SH3D19: variants seen among roughly 807,000 people sequenced by gnomAD.
SH3D19 encodes SH3 domain-containing protein 19.
SH3D19 carries 58 observed loss-of-function variants against 112.1 expected under a neutral mutation model. The observed-to-expected ratio is 0.52, with a 90% CI of 0.42 to 0.64. SH3D19 has a LOEUF of 0.64. Among genes scored for constraint, SH3D19 ranks in the 30% least tolerant of loss-of-function variants. The probability of loss-of-function intolerance (pLI) is 0.00; values close to 1 mark genes in which losing one functional copy is unlikely to be tolerated. For missense variants in SH3D19, 1,090 were observed against 1,263.4 expected (o/e 0.86, Z 2.08); for synonymous variants, 391 against 448.5 (o/e 0.87, Z 1.62).
intron 3 of SH3D19, among the ~76,000 whole-genome samples, chr4:151,185,040 G>GTTTT (rs66567240): frequency 1.5e-5 from 1 of 66,520 alleles, no homozygotes; most frequent in Admixed American, 1.8e-4. Flanking sequence ...GCTGTGTCCT[G>GTTTT]TTTTTTTTTT....
At chr4:151,284,460 G>T (rs1465505531) in intron 1 of SH3D19, among the ~76,000 whole-genome samples, 14 of 152,062 alleles carry the variant, frequency 9.2e-5, no homozygotes, top group Admixed American at 9.2e-4. Context: ...TCTCTGCCAA[G>T]ATTTTCTAGC....
chr4:151,302,884 G>T (rs970313630), intron 1 of SH3D19, among the ~76,000 whole-genome samples: 5 of 152,164 alleles, frequency 3.3e-5, no homozygotes, highest in Middle Eastern at 3.4e-3. Context: ...GGGGGAAGGG[G>T]GGAGGGATAG....
rs761630463 is a variant in SH3D19 at position 151,128,299 on chromosome 4, T to C, written c.2800A>G (p.Ser934Gly). Residue 934 changes from serine (S) to glycine (G), a missense_variant, in exon 18 of 20, where the codon AGT becomes GGT. Physicochemically the swap from Ser to Gly is moderately conservative, Grantham distance 56. Coordinates refer to ENST00000604030, the MANE Select transcript of SH3D19 (RefSeq NM_001378122.1). ...CCCCTCTTGAATGATAAGTCATCAC[T>C]GGTCTCTGCTGTAAAACTGTGAAGA... ...EALHSFTAETSDDLSFKRGDR... is the reference protein window; with the variant it reads ...EALHSFTAETGDDLSFKRGDR... 1.1e-5 allele frequency: 18 copies of C among 1,614,184 alleles called. No individual in the cohort carries two copies. The South Asian group carries it at 1.9e-4, about 17-fold the overall frequency.
At position 151,180,973 on chromosome 4, in the gene SH3D19, C is replaced by T. The variant is rs187060563; in HGVS notation, c.194-1576G>A. On this transcript the variant is annotated intron_variant, in intron 3 of 19. Transcript: ENST00000604030. ...TATTTTTAGTAGAGATGGGGTTTCA[C>T]CGTGTTAGCCAGGATGGTCTTGATC... 1.0e-3 allele frequency among the ~76,000 whole-genome samples: 147 copies of T among 145,082 alleles called. 1 individual carries two copies. In the East Asian group the frequency reaches 0.018, roughly 18 times the overall value.
At chr4:151,295,361 A>G (rs180706701) in intron 1 of SH3D19, among the ~76,000 whole-genome samples, 1 of 152,372 alleles carries the variant, frequency 6.6e-6, no homozygotes, top group East Asian at 1.9e-4. Flanking sequence ...AGTAGAGCTG[A>G]GTGAAACAAG....
chr4:151,186,690 C>G (rs1208809045), intron 3 of SH3D19, among the ~76,000 whole-genome samples: 1 of 152,046 alleles, frequency 6.6e-6, no homozygotes, highest in Non-Finnish European at 1.5e-5. Context: ...CTGCCTCAGC[C>G]CCCAAAAAAG....
intron 3 of SH3D19, among the ~76,000 whole-genome samples, chr4:151,185,040 G>GTTTTTT (rs66567240): frequency 1.5e-5 from 1 of 66,520 alleles, no homozygotes; most frequent in Admixed American, 1.8e-4. Context: ...GCTGTGTCCT[G>GTTTTTT]TTTTTTTTTT....
intron 9 of SH3D19, among the ~76,000 whole-genome samples, chr4:151,157,320 C>T (rs532667575): frequency 1.3e-5 from 2 of 150,396 alleles, no homozygotes; most frequent in African/African-American, 4.9e-5. Context: ...AAATGGCCAA[C>T]AAATACATTA....
At chr4:151,299,558 C>A (rs1301463507) in intron 1 of SH3D19, among the ~76,000 whole-genome samples, 1 of 94,584 alleles carries the variant, frequency 1.1e-5, no homozygotes, top group African/African-American at 4.2e-5. Context: ...CCAGCCTGGG[C>A]AACAAGAGCG....
intron 2 of SH3D19, among the ~76,000 whole-genome samples, chr4:151,211,062 AT>A (rs996597370): frequency 1.8e-4 from 27 of 152,162 alleles, no homozygotes; most frequent in Admixed American, 6.6e-5. Flanking sequence ...AAAATACAAA[AT>A]ACCTGACTAT....
At chr4:151,233,540 T>A (rs1409002836) in intron 1 of SH3D19, among the ~76,000 whole-genome samples, 1 of 152,236 alleles carries the variant, frequency 6.6e-6, no homozygotes, top group African/African-American at 2.4e-5. Context: ...TCTTTCTGAC[T>A]GGTTTCCTCA....
chr4:151,237,132 C>T lies in SH3D19; in HGVS notation c.113-11046G>A, dbSNP rs186527551. The stretch of plus-strand genomic sequence containing the variant: ...ACCGCGAAAGTCTGCAGCTTCACTC[C>T]TGAAGCCAGCGAGACCACGAACCCA... On this transcript the variant is annotated intron_variant, in intron 1 of 19. Transcript: ENST00000604030. Among the ~76,000 whole-genome samples the T allele has an allele frequency of 2.0e-5, 3 of 152,244 alleles. 1 individual carries two copies. Among genetic ancestry groups the T allele is most frequent in the Admixed American group, 1.3e-4 (2 of 15,298 alleles).
rs1033930635 is a variant in SH3D19 at position 151,121,297 on chromosome 4, T to C, written c.*794A>G. The C allele has an allele frequency of 2.0e-5, 3 of 152,620 alleles. No individual in the cohort carries two copies. The highest frequency in any genetic ancestry group is 6.6e-5 in the Admixed American group (1 of 15,260). The allele number at this position is 152,620 out of a possible 1,614,324, so 9.5% of individuals were successfully genotyped here. A position where few individuals can be genotyped will look rare whatever the true frequency, so the allele number is the denominator to read the frequency against. ...GGTCCAGTAATTGTCAAAGGAATGA[T>C]TGCAGATTCAGAAAATGTGCTTTGT... On this transcript the variant is annotated 3_prime_UTR_variant, in exon 20 of 20. Coordinates refer to ENST00000604030, the MANE Select transcript of SH3D19 (RefSeq NM_001378122.1).
rs372389038 is a variant in SH3D19 at position 151,161,884 on chromosome 4, C to A, written c.1643-2532G>T. ...GGTTCAAGTGATTTTCCTGCCTCAG[C>A]CTCCCAAGTAGCTGGGATTACAGGT... On this transcript the variant is annotated intron_variant, in intron 8 of 19. Coordinates refer to ENST00000604030, the MANE Select transcript of SH3D19 (RefSeq NM_001378122.1). 2.0e-5 allele frequency among the ~76,000 whole-genome samples: 3 copies of A among 151,490 alleles called. No homozygotes were observed. The East Asian group carries it at 5.8e-4, about 29-fold the overall frequency.
chr4:151,148,011 A>AGGGGGTAGCACCG lies in SH3D19; in HGVS notation c.1992_1993insCGGTGCTACCCCC (p.Ser665ArgfsTer13). 6.2e-7 allele frequency: 1 copy of AGGGGGTAGCACCG among 1,614,128 alleles called. No homozygotes were observed. The highest frequency in any genetic ancestry group is 8.5e-7 in the Non-Finnish European group (1 of 1,180,024). On this transcript the variant is annotated frameshift_variant, in exon 11 of 20. Coordinates refer to ENST00000604030, the MANE Select transcript of SH3D19 (RefSeq NM_001378122.1). LOFTEE classifies it high-confidence loss of function. ...TTAAAAACTTGACTCTTGGCTTTTG[A>AGGGGGTAGCACCG]GAGTCCAGTTGCCAAGTTACTTTGT...
chr4:151,228,192 T>C (rs1417688562), intron 1 of SH3D19, among the ~76,000 whole-genome samples: 6 of 152,186 alleles, frequency 3.9e-5, no homozygotes, highest in Non-Finnish European at 7.3e-5. Flanking sequence ...AATTTTAAAA[T>C]TTTCCCCCCA....
intron 14 of SH3D19, 126 bp downstream of exon 14, chr4:151,137,606 T>C: frequency 1.4e-6 from 1 of 736,234 alleles, no homozygotes; most frequent in African/African-American, 1.8e-5. Context: ...TTTTGAATTT[T>C]CCAAATGCCA....
intron 1 of SH3D19, among the ~76,000 whole-genome samples, chr4:151,304,843 T>C (rs565428956): frequency 2.0e-4 from 30 of 152,192 alleles, no homozygotes; most frequent in Non-Finnish European, 2.4e-4. Context: ...TGTCAGAATA[T>C]GCACAAAGAA....
At chr4:151,163,040 C>A (rs1757421835) in intron 8 of SH3D19, among the ~76,000 whole-genome samples, 1 of 152,152 alleles carries the variant, frequency 6.6e-6, no homozygotes. Context: ...GCCTACCTGA[C>A]CAGCCCCCAA....
Sources: gnomAD v4.1 joint callset for allele counts (sites outside exome capture counted in the v4.1 genomes callset) on GRCh38, gnomAD v4.1.1 for gene constraint, MANE v1.5 for transcripts, NCBI Gene and HGNC (gene_info 2026-07-23, HGNC 2026-07-21) for gene names.